The following CAST variants were observed in gnomAD, a reference collection of about 807,000 sequenced individuals.
CAST encodes the protein MIR583 host.
Under a neutral mutation model 119.6 loss-of-function variants are expected in CAST, and 76 were observed. That is an observed-to-expected ratio of 0.64 (90% CI 0.53 to 0.77). The LOEUF (loss-of-function observed/expected upper bound fraction) is 0.77, where lower values mean the gene tolerates loss of function less well. Among genes scored for constraint, CAST ranks in the 30% least tolerant of loss-of-function variants. The pLI is 0.00. For synonymous variants in CAST, 319 were observed against 331.6 expected, an observed-to-expected ratio of 0.96 and a Z score of 0.41; for missense variants, 953 against 946.5, an observed-to-expected ratio of 1.01 and a Z score of -0.09.
intron 1 of CAST, among the ~76,000 whole-genome samples, chr5:96,557,863 A>C (rs968916219): frequency 2.0e-5 from 3 of 152,120 alleles, no homozygotes; most frequent in East Asian, 3.9e-4. Flanking sequence ...ACCTAACAGA[A>C]ATCTACAGAA....
the CAST span, among the ~76,000 whole-genome samples, chr5:96,283,470 G>A: frequency 4.2e-3 from 638 of 152,306 alleles, 4 homozygotes; most frequent in African/African-American, 0.014. Flanking sequence ...CTGGCCGCAG[G>A]CACTTAGACT....
chr5:96,536,681 C>G (rs1745822326), intron 1 of CAST, among the ~76,000 whole-genome samples: 1 of 152,134 alleles, frequency 6.6e-6, no homozygotes, highest in South Asian at 2.1e-4. Flanking sequence ...TCAAGTAAAT[C>G]TTTTTTGAGC....
At chr5:96,228,269 C>T in the CAST span, among the ~76,000 whole-genome samples, 1 of 152,154 alleles carries the variant, frequency 6.6e-6, no homozygotes, top group African/African-American at 2.4e-5. Flanking sequence ...AATTAATTGT[C>T]TTTATTTCAT....
chr5:96,044,464 T>A, the CAST span, among the ~76,000 whole-genome samples: 1 of 152,222 alleles, frequency 6.6e-6, no homozygotes, highest in Non-Finnish European at 1.5e-5. Context: ...TTGGACTTTC[T>A]AGCCTCCAGT....
the CAST span, among the ~76,000 whole-genome samples, chr5:95,996,178 G>A: frequency 6.6e-6 from 1 of 152,116 alleles, no homozygotes; most frequent in Admixed American, 6.6e-5. Flanking sequence ...GTGAGATATA[G>A]GAAGATCAAG....
chr5:96,132,633 C>G, the CAST span, among the ~76,000 whole-genome samples: 4 of 152,084 alleles, frequency 2.6e-5, no homozygotes, highest in African/African-American at 9.7e-5. Context: ...TTGGCTCCCA[C>G]ATATGAGTGA....
chr5:96,387,954 C>T, the CAST span, among the ~76,000 whole-genome samples: 1 of 152,170 alleles, frequency 6.6e-6, no homozygotes, highest in South Asian at 2.1e-4. Flanking sequence ...TTTCCTCTAT[C>T]CTCTTCTAAG....
the CAST span, among the ~76,000 whole-genome samples, chr5:96,459,063 T>A: frequency 6.6e-6 from 1 of 152,166 alleles, no homozygotes; most frequent in Admixed American, 6.5e-5. Flanking sequence ...ATGCCAAGAA[T>A]AAAGTGAGTG....
chr5:96,344,588 T>C, the CAST span, among the ~76,000 whole-genome samples: 3 of 152,182 alleles, frequency 2.0e-5, no homozygotes, highest in African/African-American at 7.2e-5. Context: ...ATTCTCACAA[T>C]CAGACCTTGA....
chr5:96,283,137 A>AAAAAAAGAAAG, the CAST span, among the ~76,000 whole-genome samples: 3 of 132,988 alleles, frequency 2.3e-5, no homozygotes, highest in South Asian at 4.6e-4. Context: ...CTCAAAAAAA[A>AAAAAAAGAAAG]AAAAAAAAGA....
At chr5:96,367,811 G>A in the CAST span, among the ~76,000 whole-genome samples, 58 of 152,082 alleles carry the variant, frequency 3.8e-4, 1 homozygote, top group East Asian at 5.6e-3. Flanking sequence ...GCTCACGCTC[G>A]GTGGGCTGCA....
At chr5:96,201,863 G>T in the CAST span, among the ~76,000 whole-genome samples, 3 of 151,918 alleles carry the variant, frequency 2.0e-5, no homozygotes, top group African/African-American at 7.3e-5. Context: ...CCTACGGTAG[G>T]TTGTTTTTAA....
At chr5:96,603,116 T>G (rs1425702810) in intron 1 of CAST, among the ~76,000 whole-genome samples, 1 of 152,220 alleles carries the variant, frequency 6.6e-6, no homozygotes, top group South Asian at 2.1e-4. Context: ...GATCATATAT[T>G]TATTGAAATG....
rs934832851 is a variant in CAST, at chr5:96,662,468, C to T, written c.46C>T (p.Arg16Ter). ...GCCCGCCGCCTCCCCGCGGCCCCGGCGAGCAGCCGCCGCCCGCCGCACCCA... is the reference window on the plus strand; with the variant it reads ...GCCCGCCGCCTCCCCGCGGCCCCGGTGAGCAGCCGCCGCCCGCCGCACCCA... Reference protein sequence around the residue: ...QKPAASPRPRRAAAARRTHEH... With the variant: ...QKPAASPRPR Residue 16 changes from arginine (R) to a stop codon, truncating the protein, a stop_gained, in exon 1 of 32, where the codon CGA becomes TGA. Coordinates refer to ENST00000675179, the MANE Select transcript of CAST (RefSeq NM_001750.7). LOFTEE classifies it high-confidence loss of function. 5.6e-6 allele frequency: 8 copies of T among 1,432,390 alleles called. No individual in the cohort carries two copies. The highest frequency in any genetic ancestry group is 6.4e-6 in the Non-Finnish European group (7 of 1,097,350). The allele number at this position is 1,432,390 out of a possible 1,614,324, so 88.7% of individuals were successfully genotyped here. A position where few individuals can be genotyped will look rare whatever the true frequency, so the allele number is the denominator to read the frequency against.
rs557528462 is a variant in CAST at position 96,679,610 on chromosome 5, A to G, written c.138+4009A>G. 3.3e-5 allele frequency: 5 copies of G among 152,348 alleles called. No individual in the cohort carries two copies. The East Asian group carries it at 7.7e-4, about 23-fold the overall frequency. The allele number at this position is 152,348 out of a possible 1,614,324, so 9.4% of individuals were successfully genotyped here. On this transcript the variant is annotated intron_variant, in intron 2 of 31. Transcript: ENST00000675179. ...CAGAGAGCCAATTTTAAAAGCTTCAAATTTAACAATGGATTTATTTTTATG... is the reference window on the plus strand; with the variant it reads ...CAGAGAGCCAATTTTAAAAGCTTCAGATTTAACAATGGATTTATTTTTATG...
chr5:96,679,729 A>C (rs1012320439), intron 2 of CAST: 2 of 152,178 alleles, frequency 1.3e-5, no homozygotes. Context: ...CATTGGTGGC[A>C]TGCTTTTCCT....
At chr5:96,050,789 A>T in the CAST span, among the ~76,000 whole-genome samples, 2 of 152,130 alleles carry the variant, frequency 1.3e-5, no homozygotes. Context: ...GGGATAGCAG[A>T]TGGGAGCCAG....
At chr5:96,146,065 C>G in the CAST span, among the ~76,000 whole-genome samples, 1 of 152,180 alleles carries the variant, frequency 6.6e-6, no homozygotes, top group Non-Finnish European at 1.5e-5. Flanking sequence ...ATGGCCAAAG[C>G]AGTTACAGGC....
the CAST span, among the ~76,000 whole-genome samples, chr5:96,269,715 C>A: frequency 6.6e-6 from 1 of 151,968 alleles, no homozygotes; most frequent in Non-Finnish European, 1.5e-5. Context: ...AAATAGAAAA[C>A]CTCAACAAAT....
Sources: allele counts gnomAD v4.1 joint callset (sites outside exome capture counted in the v4.1 genomes callset), GRCh38; gene constraint gnomAD v4.1.1; transcripts MANE v1.5; gene names NCBI Gene and HGNC (gene_info 2026-07-23, HGNC 2026-07-21).